Variants in FRMD5 observed in about 807,000 individuals in gnomAD.
FRMD5 encodes the protein FERM domain containing 5, also known as FERM domain-containing protein 5.
In FRMD5, 20 loss-of-function variants were observed where a neutral mutation model predicts 69.0. That is an observed-to-expected ratio of 0.29 (90% CI 0.20 to 0.42). The LOEUF is 0.42. FRMD5 is among the 10% of genes least tolerant of loss of function. The pLI, the probability that FRMD5 is intolerant of heterozygous loss-of-function variation, is 1.00. For missense variants in FRMD5, 595 were observed against 708.6 expected (o/e 0.84, Z 1.82); for synonymous variants, 271 against 260.1 (o/e 1.04, Z -0.40).
rs1305621274 is a variant in FRMD5, at chr15:44,195,139, C to T, written c.-85G>A. On this transcript the variant is annotated 5_prime_UTR_variant, in exon 1 of 14. Coordinates refer to ENST00000417257, the MANE Select transcript of FRMD5 (RefSeq NM_032892.5). ...CCTCAGCCCGGCAGCTCCGCACCGA[C>T]CCCAGGCACCTGCACCATCACCCCG... 1.9e-6 allele frequency: 2 copies of T among 1,062,000 alleles called. No individual in the cohort carries two copies. Among genetic ancestry groups the T allele is most frequent in the Non-Finnish European group, 2.6e-6 (2 of 761,222 alleles). The allele number at this position is 1,062,000 out of a possible 1,614,324, so 65.8% of individuals were successfully genotyped here.
chr15:43,881,260 G>A (rs1236092050), intron 13 of FRMD5, among the ~76,000 whole-genome samples: 1 of 152,168 alleles, frequency 6.6e-6, no homozygotes, highest in African/African-American at 2.4e-5. Flanking sequence ...CAGAGGGATG[G>A]AAAGAAAGGC....
chr15:44,157,309 A>C (rs2077544131), intron 1 of FRMD5, among the ~76,000 whole-genome samples: 1 of 152,210 alleles, frequency 6.6e-6, no homozygotes, highest in South Asian at 2.1e-4. Flanking sequence ...GTAATCAATC[A>C]GTATCAATGC....
rs1284763163 is a variant in FRMD5, at chr15:43,989,720, T to A, written c.103-65411A>T. 3.0e-6 allele frequency: 3 copies of A among 997,036 alleles called. No homozygotes were observed. In the East Asian group the frequency reaches 7.8e-5, roughly 26 times the overall value. The allele number at this position is 997,036 out of a possible 1,614,324, so 61.8% of individuals were successfully genotyped here. ...CACAGTGTGGGTGACCCCGTCATCG[T>A]AGTCCATCACGATGTCAGTGGTAGG... On this transcript the variant is annotated intron_variant, in intron 1 of 13. Coordinates refer to ENST00000417257, the MANE Select transcript of FRMD5 (RefSeq NM_032892.5).
chr15:44,093,079 G>A lies in FRMD5; in HGVS notation c.102+101874C>T, dbSNP rs367793040. The stretch of plus-strand genomic sequence containing the variant: ...CCCGAGTAGCTAGGACTATAGGCGC[G>A]CACCACCACACCCAGCTAATTTTTG... On this transcript the variant is annotated intron_variant, in intron 1 of 13. Transcript: ENST00000417257. Among the ~76,000 whole-genome samples the A allele has an allele frequency of 7.9e-5, 12 of 151,690 alleles. No homozygotes were observed. In the East Asian group the frequency reaches 1.6e-3, roughly 20 times the overall value.
At chr15:44,044,229 T>TCATGC (rs1240636658) in intron 1 of FRMD5, among the ~76,000 whole-genome samples, 1 of 152,160 alleles carries the variant, frequency 6.6e-6, no homozygotes, top group Non-Finnish European at 1.5e-5. Flanking sequence ...AGATACCATC[T>TCATGC]CATGCCAGTT....
At position 44,027,637 on chromosome 15, in the gene FRMD5, T is replaced by C. The variant is rs564691840; in HGVS notation, c.103-103328A>G. 3.6e-4 allele frequency among the ~76,000 whole-genome samples: 41 copies of C among 113,632 alleles called. 1 individual carries two copies. The East Asian group carries it at 0.012, about 32-fold the overall frequency. 74.5% of individuals were successfully genotyped at this position (113,632 alleles called of 152,430 possible). ...GGAAACCTGTGCTGACTTTCTTTTC[T>C]AGTTTTTTTTTTTGTTTTTTTTTTT... is the stretch of plus-strand genomic sequence containing the variant. On this transcript the variant is annotated intron_variant, in intron 1 of 13. Coordinates refer to ENST00000417257, the MANE Select transcript of FRMD5 (RefSeq NM_032892.5).
chr15:44,174,634 A>T (rs2077862060), intron 1 of FRMD5, among the ~76,000 whole-genome samples: 1 of 152,222 alleles, frequency 6.6e-6, no homozygotes. Flanking sequence ...AATGTAAAAG[A>T]AAATTTTTAA....
intron 5 of FRMD5, among the ~76,000 whole-genome samples, chr15:43,909,064 T>C (rs1256778140): frequency 6.6e-6 from 1 of 151,916 alleles, no homozygotes; most frequent in Non-Finnish European, 1.5e-5. Flanking sequence ...TAGGGTTGAG[T>C]GTTCAGTGTT....
At chr15:44,071,140 T>C (rs1338500124) in intron 1 of FRMD5, among the ~76,000 whole-genome samples, 1 of 152,214 alleles carries the variant, frequency 6.6e-6, no homozygotes, top group Non-Finnish European at 1.5e-5. Flanking sequence ...GCAAGAGCTA[T>C]ACTTTTACTT....
intron 1 of FRMD5, among the ~76,000 whole-genome samples, chr15:43,951,998 G>C (rs773499959): frequency 2.6e-4 from 24 of 94,070 alleles, no homozygotes; most frequent in Non-Finnish European, 4.1e-4. Flanking sequence ...GTGTGTGTGT[G>C]TCTGTGTGTG....
At chr15:44,050,320 G>A (rs1175444566) in intron 1 of FRMD5, among the ~76,000 whole-genome samples, 1 of 152,082 alleles carries the variant, frequency 6.6e-6, no homozygotes, top group Non-Finnish European at 1.5e-5. Flanking sequence ...TGATAGAGAA[G>A]TTATGCTTGA....
At chr15:44,036,705 A>G (rs943556714) in intron 1 of FRMD5, among the ~76,000 whole-genome samples, 1 of 152,220 alleles carries the variant, frequency 6.6e-6, no homozygotes, top group Non-Finnish European at 1.5e-5. Flanking sequence ...GGATTTTTCT[A>G]ATACAAAATA....
intron 5 of FRMD5, among the ~76,000 whole-genome samples, chr15:43,909,201 C>A (rs2089238366): frequency 1.3e-5 from 2 of 151,854 alleles, no homozygotes; most frequent in South Asian, 2.1e-4. Flanking sequence ...TCGAGACCAG[C>A]CTGGCCAACA....
At chr15:43,963,833 A>G (rs1039414955) in intron 1 of FRMD5, among the ~76,000 whole-genome samples, 1 of 152,086 alleles carries the variant, frequency 6.6e-6, no homozygotes, top group Non-Finnish European at 1.5e-5. Context: ...AGACGTTCTC[A>G]CTCACAGGTG....
intron 1 of FRMD5, among the ~76,000 whole-genome samples, chr15:43,995,542 T>C (rs1017875084): frequency 6.6e-5 from 10 of 151,928 alleles, no homozygotes; most frequent in African/African-American, 2.2e-4. Flanking sequence ...CACTGGTGTC[T>C]ACAGGAGTGG....
At chr15:44,186,513 G>A (rs750150673) in intron 1 of FRMD5, among the ~76,000 whole-genome samples, 2 of 152,194 alleles carry the variant, frequency 1.3e-5, no homozygotes, top group African/African-American at 2.4e-5. Context: ...TAATGATTTG[G>A]CTTTTTCCTG....
chr15:44,164,392 T>G (rs982269109), intron 1 of FRMD5, among the ~76,000 whole-genome samples: 11 of 152,180 alleles, frequency 7.2e-5, no homozygotes, highest in African/African-American at 9.7e-5. Flanking sequence ...ATTTTTTTTT[T>G]GCAGATGCAC....
chr15:43,925,131 A>G lies in FRMD5; in HGVS notation c.103-822T>C, dbSNP rs999880328. On this transcript the variant is annotated intron_variant, in intron 1 of 13. Transcript: ENST00000417257. ...ACGATTCTCCTGTCTCAGCCTCCCA[A>G]GTAGCTGGGATTACAGGCATGTGCC... Among the ~76,000 whole-genome samples the G allele has an allele frequency of 2.0e-5, 3 of 151,686 alleles. No individual in the cohort carries two copies. In the South Asian group the frequency reaches 6.2e-4, roughly 32 times the overall value.
chr15:44,080,303 G>T (rs978875319), intron 1 of FRMD5, among the ~76,000 whole-genome samples: 1 of 151,938 alleles, frequency 6.6e-6, no homozygotes, highest in Non-Finnish European at 1.5e-5. Flanking sequence ...GTCATAAAGG[G>T]TTTGTAGGTA....
Sources: allele counts gnomAD v4.1 joint callset (sites outside exome capture counted in the v4.1 genomes callset), GRCh38; gene constraint gnomAD v4.1.1; transcripts MANE v1.5; gene names NCBI Gene and HGNC (gene_info 2026-07-23, HGNC 2026-07-21).